Variants in SLC26A5 observed in about 807,000 individuals in gnomAD.
SLC26A5 encodes prestin.
A neutral mutation model predicts 81.0 loss-of-function variants in SLC26A5; 51 were observed. That is an observed-to-expected ratio of 0.63 (90% CI 0.50 to 0.80). The LOEUF (loss-of-function observed/expected upper bound fraction) is 0.80. Among genes scored for constraint, SLC26A5 ranks in the 30% least tolerant of loss-of-function variants. The pLI, the probability that SLC26A5 is intolerant of heterozygous loss-of-function variation, is 0.00. For missense variants in SLC26A5, 771 were observed against 905.8 expected (o/e 0.85, Z 1.91); for synonymous variants, 325 against 332.8 (o/e 0.98, Z 0.25).
chr7:103,397,792 C>T (rs1823263338), intron 9 of SLC26A5, 140 bp downstream of exon 9: 1 of 659,214 alleles, frequency 1.5e-6, no homozygotes, highest in Non-Finnish European at 2.7e-6. Flanking sequence ...ATAAAATGCA[C>T]CCAATCCCCC....
Position 103,392,971 on chromosome 7 carries a change from G to C in SLC26A5, c.1067C>G (p.Ser356Cys). The change falls in exon 10 of 20, where the codon TCC becomes TGC. Residue 356 changes from serine (S) to cysteine (C), a missense_variant. By Grantham distance (112) the Ser-to-Cys change is moderately radical. Coordinates refer to ENST00000306312, the MANE Select transcript of SLC26A5 (RefSeq NM_198999.3). ...IAIVGFSVTI[S>C]MAKTLANKHG... ...TTTATTTGCTAAGGTCTTGGCCATG[G>C]AGATGGTCACTGAAAATCCAACGAT... 4 of 1,614,024 alleles carry C rather than the reference G, an allele frequency of 2.5e-6. No individual in the cohort carries two copies. Among genetic ancestry groups the C allele is most frequent in the Non-Finnish European group, 3.4e-6 (4 of 1,179,892 alleles).
At position 103,413,896 on chromosome 7, in the gene SLC26A5, CTCCCCCACTATCAACA is replaced by C. The variant is rs569807775; in HGVS notation, c.293-800_293-785del. Among the ~76,000 whole-genome samples, 493 of 152,112 alleles carry C rather than the reference CTCCCCCACTATCAACA, an allele frequency of 3.2e-3. 1 individual carries two copies. The highest frequency in any genetic ancestry group is 6.8e-3 in the Middle Eastern group (2 of 294). On this transcript the variant is annotated intron_variant, in intron 4 of 19. Coordinates refer to ENST00000306312, the MANE Select transcript of SLC26A5 (RefSeq NM_198999.3). ...TTCCCTGCCCTTATGTATGCACAGC[CTCCCCCACTATCAACA>C]TCCCCCACTATCAACATCCCCCACC...
chr7:103,425,365 A>G (rs187475380), intron 2 of SLC26A5, among the ~76,000 whole-genome samples: 1 of 152,336 alleles, frequency 6.6e-6, no homozygotes, highest in East Asian at 1.9e-4. Context: ...CACCTGACCA[A>G]CTAGAGCACA....
At chr7:103,425,039 G>C (rs909594115) in intron 2 of SLC26A5, among the ~76,000 whole-genome samples, 3 of 152,122 alleles carry the variant, frequency 2.0e-5, no homozygotes, top group Admixed American at 6.6e-5. Flanking sequence ...TAAAACACTA[G>C]GTATCTTTAT....
At chr7:103,403,832 T>C (rs1257307210) in intron 8 of SLC26A5, among the ~76,000 whole-genome samples, 1 of 152,154 alleles carries the variant, frequency 6.6e-6, no homozygotes, top group African/African-American at 2.4e-5. Context: ...TTTATCTAAT[T>C]TGCCAATCTG....
At position 103,386,801 on chromosome 7, in the gene SLC26A5, C is replaced by A. The variant is rs374176737; in HGVS notation, c.1514+2207G>T. ...TTTTTTGAGACGTGTGTCACTCTGT[C>A]GCCCAGGCTGGAGTGCAATGGCTCA... is the stretch of plus-strand genomic sequence containing the variant. On this transcript the variant is annotated intron_variant, in intron 14 of 19. Coordinates refer to ENST00000306312, the MANE Select transcript of SLC26A5 (RefSeq NM_198999.3). 1.9e-4 allele frequency among the ~76,000 whole-genome samples: 29 copies of A among 151,678 alleles called. 1 individual carries two copies. The highest frequency in any genetic ancestry group is 7.0e-4 in the African/African-American group (29 of 41,374).
intron 2 of SLC26A5, chr7:103,433,623 G>C (rs1826233593): frequency 6.6e-6 from 1 of 151,932 alleles, no homozygotes; most frequent in African/African-American, 2.4e-5. Context: ...ACCTATAAAA[G>C]GAAATGCATT....
chr7:103,411,704 C>A, intron 5 of SLC26A5, 118 bp from the exon 6 acceptor site: 2 of 1,144,892 alleles, frequency 1.7e-6, no homozygotes, highest in East Asian at 5.0e-5. Context: ...GAAGGCTACG[C>A]TCCCTTCTTT....
chr7:103,381,413 CAAT>C (rs1291802429), intron 14 of SLC26A5, among the ~76,000 whole-genome samples: 1 of 150,640 alleles, frequency 6.6e-6, no homozygotes, highest in African/African-American at 2.4e-5. Flanking sequence ...CAAACACAAA[CAAT>C]ACACACACAC....
At chr7:103,383,714 G>C (rs1186290331) in intron 14 of SLC26A5, among the ~76,000 whole-genome samples, 1 of 151,894 alleles carries the variant, frequency 6.6e-6, no homozygotes, top group Admixed American at 6.6e-5. Context: ...TTATTCTGTG[G>C]CCCACGCTGG....
chr7:103,391,494 C>T lies in SLC26A5; in HGVS notation c.1233+128G>A. The T allele has an allele frequency of 5.2e-6, 4 of 762,502 alleles. No homozygotes were observed. In the South Asian group the frequency reaches 5.9e-5, roughly 11 times the overall value. The allele number at this position is 762,502 out of a possible 1,614,324, so 47.2% of individuals were successfully genotyped here. ...ACCAATCATGCCTTTCTCTGATTCCCTACACAGCTCACTGGAGCATGGATC... is the reference window on the plus strand; with the variant it reads ...ACCAATCATGCCTTTCTCTGATTCCTTACACAGCTCACTGGAGCATGGATC... On this transcript the variant is annotated intron_variant, in intron 11 of 19. Coordinates refer to ENST00000306312, the MANE Select transcript of SLC26A5 (RefSeq NM_198999.3).
chr7:103,396,444 A>G lies in SLC26A5; in HGVS notation c.971+1488T>C, dbSNP rs910136610. Among the ~76,000 whole-genome samples the G allele has an allele frequency of 2.6e-5, 4 of 152,362 alleles. No individual in the cohort carries two copies. The East Asian group carries it at 5.8e-4, about 22-fold the overall frequency. ...AACCCACGTGCTCATCAGTGGATGC[A>G]TGGAGAAATAAAATACAGTGTATAT... is the stretch of plus-strand genomic sequence containing the variant. On this transcript the variant is annotated intron_variant, in intron 9 of 19. Coordinates refer to ENST00000306312, the MANE Select transcript of SLC26A5 (RefSeq NM_198999.3).
rs146182774 is a variant in SLC26A5 at position 103,405,253 on chromosome 7, G to A, written c.888+2598C>T. ...GGTGAAGAGTTGTGATCCTTTGAAG[G>A]AGAAGAGGTGTTCTGGCTTTTGGAA... is the stretch of plus-strand genomic sequence containing the variant. On this transcript the variant is annotated intron_variant, in intron 8 of 19. Coordinates refer to ENST00000306312, the MANE Select transcript of SLC26A5 (RefSeq NM_198999.3). Among the ~76,000 whole-genome samples, 183 of 152,252 alleles carry A rather than the reference G, an allele frequency of 1.2e-3. 1 individual carries two copies. Among genetic ancestry groups the A allele is most frequent in the African/African-American group, 4.4e-3 (181 of 41,554 alleles).
At chr7:103,419,589 G>A (rs1478469018) in intron 4 of SLC26A5, among the ~76,000 whole-genome samples, 1 of 150,936 alleles carries the variant, frequency 6.6e-6, no homozygotes, top group African/African-American at 2.4e-5. Context: ...CCAGGCTGGA[G>A]TCCAGTGGCA....
At chr7:103,380,802 G>A (rs573711962) in intron 14 of SLC26A5, among the ~76,000 whole-genome samples, 40 of 149,328 alleles carry the variant, frequency 2.7e-4, no homozygotes, top group South Asian at 1.5e-3. Context: ...CACATGATAC[G>A]CACACACCAT....
In SLC26A5 at chr7:103,412,994, GC is replaced by G. The variant is rs1294195552; in HGVS notation, c.403+7del. On this transcript the variant is annotated splice_region_variant and intron_variant, in intron 5 of 19. Transcript: ENST00000306312. The stretch of plus-strand genomic sequence containing the variant: ...AAAGGTAATAGAATATCAAATGTAA[GC>G]TTTTACCTATGGATATGTGTCTGGA... The G allele has an allele frequency of 6.4e-7, 1 of 1,552,992 alleles. No individual in the cohort carries two copies. Among genetic ancestry groups the G allele is most frequent in the East Asian group, 2.2e-5 (1 of 44,582 alleles).
intron 10 of SLC26A5, among the ~76,000 whole-genome samples, 182 bp downstream of exon 10, chr7:103,392,737 C>G (rs1487425706): frequency 6.6e-6 from 1 of 152,140 alleles, no homozygotes; most frequent in East Asian, 1.9e-4. Context: ...GCCACCATGC[C>G]CGGCTAATTT....
intron 8 of SLC26A5, 105 bp from the exon 9 acceptor site, chr7:103,398,119 T>C: frequency 1.1e-6 from 1 of 885,774 alleles, no homozygotes; most frequent in Non-Finnish European, 1.9e-6. Flanking sequence ...TTCTCACTTT[T>C]AACATTCAGA....
intron 19 of SLC26A5, chr7:103,363,295 A>G (rs1281715873): frequency 7.0e-7 from 1 of 1,433,226 alleles, no homozygotes; most frequent in Non-Finnish European, 9.8e-7. Flanking sequence ...TTTGGACAGT[A>G]TCCAAAAAGC....
Sources: gnomAD v4.1 joint callset for allele counts (sites outside exome capture counted in the v4.1 genomes callset) on GRCh38, gnomAD v4.1.1 for gene constraint, MANE v1.5 for transcripts, NCBI Gene and HGNC (gene_info 2026-07-23, HGNC 2026-07-21) for gene names.